The following ST6GAL2 variants were observed in gnomAD, a reference collection of about 807,000 sequenced individuals.
ST6GAL2 encodes the protein ST6 beta-galactoside alpha-2,6-sialyltransferase 2, also known as beta-galactoside alpha-2,6-sialyltransferase 2.
In ST6GAL2, 24 loss-of-function variants were observed where a neutral mutation model predicts 37.5. That is an observed-to-expected ratio of 0.64 (90% confidence interval 0.46 to 0.90). The LOEUF is 0.90. ST6GAL2 is among the 40% of genes least tolerant of loss of function. The probability of loss-of-function intolerance (pLI) is 0.00; values close to 1 mark genes in which losing one functional copy is unlikely to be tolerated. For missense variants in ST6GAL2, 715 were observed against 712.7 expected (o/e 1.00, Z -0.04); for synonymous variants, 306 against 295.1 (o/e 1.04, Z -0.38).
In ST6GAL2 at chr2:106,801,652, T is replaced by C. The variant is rs547499512; in HGVS notation, c.*5026A>G. On this transcript the variant is annotated 3_prime_UTR_variant, in exon 6 of 6. Transcript: ENST00000409382. ...TTACAAGAAAAAAGTCTGTACATTG[T>C]GTATACATAAAAATATACAAAACCA... 3.9e-5 allele frequency: 6 copies of C among 152,366 alleles called. No homozygotes were observed. In the South Asian group the frequency reaches 1.0e-3, roughly 26 times the overall value. The allele number at this position is 152,366 out of a possible 1,614,324, so 9.4% of individuals were successfully genotyped here. A position where few individuals can be genotyped will look rare whatever the true frequency, so the allele number is the denominator to read the frequency against.
chr2:106,843,889 A>T lies in ST6GAL2; in HGVS notation c.89T>A (p.Phe30Tyr), dbSNP rs62155507. ...GLLFLLIFIYFTDSNPAEPVP... is the reference protein window; with the variant it reads ...GLLFLLIFIYYTDSNPAEPVP... ...AGGCTCAGCGGGGTTGCTGTCGGTG[A>T]AGTAGATGAAAATCAGCAAAAAGAG... The change falls in exon 2 of 6, where the codon TTC (phenylalanine) becomes TAC (tyrosine). Residue 30 changes from phenylalanine to tyrosine, a missense_variant. Physicochemically the swap from Phe to Tyr is conservative, Grantham distance 22. Coordinates refer to ENST00000409382, the MANE Select transcript of ST6GAL2 (RefSeq NM_001142351.2). 22,697 of 1,606,134 alleles carry T rather than the reference A, an allele frequency of 0.014. 192 individuals carry two copies. The highest frequency in any genetic ancestry group is 0.026 in the Middle Eastern group (160 of 6,058).
intron 1 of ST6GAL2, among the ~76,000 whole-genome samples, chr2:106,856,683 C>G (rs1181268090): frequency 3.9e-5 from 6 of 152,180 alleles, no homozygotes; most frequent in Non-Finnish European, 8.8e-5. Flanking sequence ...GTATTAATTA[C>G]TTAAAAGCAC....
At position 106,820,697 on chromosome 2, in the gene ST6GAL2, T is replaced by C. The variant is rs1245765350; in HGVS notation, c.1318+9369A>G. 2.6e-5 allele frequency among the ~76,000 whole-genome samples: 4 copies of C among 152,096 alleles called. No homozygotes were observed. The East Asian group carries it at 7.7e-4, about 29-fold the overall frequency. ...AATACACATTCTTTTCCTCAGCACC[T>C]GGGTAATTCTCAAGGGTAGACCATA... On this transcript the variant is annotated intron_variant, in intron 5 of 5. Coordinates refer to ENST00000409382, the MANE Select transcript of ST6GAL2 (RefSeq NM_001142351.2).
Position 106,843,570 on chromosome 2 carries a change from A to T in ST6GAL2, c.408T>A (p.Gly136=). The T allele has an allele frequency of 6.2e-7, 1 of 1,614,002 alleles. No homozygotes were observed. The highest frequency in any genetic ancestry group is 8.5e-7 in the Non-Finnish European group (1 of 1,180,002). Residue 136 remains glycine, a synonymous_variant, in exon 2 of 6, where the codon GGT becomes GGA. Coordinates refer to ENST00000409382, the MANE Select transcript of ST6GAL2 (RefSeq NM_001142351.2). ...GAGTGTGGCTGTGCCACCCTGGCTG[A>T]CCAGCAGCAAAAAAGTAGTCGTCAT... is the stretch of plus-strand genomic sequence containing the variant. ...PEDDDYFFAA[G]QPGWHSHTQG...
chr2:106,883,724 GATC>G (rs1347368970), intron 1 of ST6GAL2, among the ~76,000 whole-genome samples: 2 of 151,440 alleles, frequency 1.3e-5, no homozygotes, highest in Non-Finnish European at 2.9e-5. Flanking sequence ...TAAATTTTAA[GATC>G]ATATTACAGA....
At chr2:106,823,480 C>G (rs1302792586) in intron 5 of ST6GAL2, among the ~76,000 whole-genome samples, 43 of 93,906 alleles carry the variant, frequency 4.6e-4, no homozygotes, top group African/African-American at 1.8e-3. Context: ...CACACACACA[C>G]ACACACAGAG....
chr2:106,817,480 C>T (rs950493371), intron 5 of ST6GAL2, among the ~76,000 whole-genome samples: 2 of 152,344 alleles, frequency 1.3e-5, no homozygotes, highest in Non-Finnish European at 2.9e-5. Context: ...CAGAAGGGAA[C>T]CTGCTTCATG....
intron 5 of ST6GAL2, among the ~76,000 whole-genome samples, chr2:106,820,751 A>C (rs999516908): frequency 2.0e-5 from 3 of 152,130 alleles, no homozygotes; most frequent in Non-Finnish European, 2.9e-5. Flanking sequence ...GTCTTAAAAA[A>C]TTTGAAAAAA....
chr2:106,870,199 G>C (rs1678207304), intron 1 of ST6GAL2, among the ~76,000 whole-genome samples: 1 of 152,102 alleles, frequency 6.6e-6, no homozygotes, highest in Non-Finnish European at 1.5e-5. Context: ...GAGAGTCCTG[G>C]AATTGTGCAG....
chr2:106,820,507 G>C (rs749198464), intron 5 of ST6GAL2, among the ~76,000 whole-genome samples: 6 of 152,042 alleles, frequency 3.9e-5, no homozygotes, highest in African/African-American at 7.2e-5. Flanking sequence ...GCTAAAGAGA[G>C]AGCTAGACCC....
Position 106,802,286 on chromosome 2 carries a change from T to G in ST6GAL2, c.*4392A>C, listed in dbSNP as rs190124444. ...TTGTAAAGGTTTCAGTCAAAAATATTGATGAAAAAGCAATATAAAACCAAC... is the reference window on the plus strand; with the variant it reads ...TTGTAAAGGTTTCAGTCAAAAATATGGATGAAAAAGCAATATAAAACCAAC... On this transcript the variant is annotated 3_prime_UTR_variant, in exon 6 of 6. Coordinates refer to ENST00000409382, the MANE Select transcript of ST6GAL2 (RefSeq NM_001142351.2). 1.3e-4 allele frequency: 20 copies of G among 152,306 alleles called. No homozygotes were observed. The highest frequency in any genetic ancestry group is 1.8e-4 in the Non-Finnish European group (12 of 68,034). The allele number at this position is 152,306 out of a possible 1,614,324, so 9.4% of individuals were successfully genotyped here.
At chr2:106,830,855 T>C (rs1676393329) in intron 4 of ST6GAL2, among the ~76,000 whole-genome samples, 1 of 152,192 alleles carries the variant, frequency 6.6e-6, no homozygotes, top group African/African-American at 2.4e-5. Context: ...ATGGAAATAT[T>C]CCAGTTTTTC....
chr2:106,862,278 A>G (rs1194638554), intron 1 of ST6GAL2, among the ~76,000 whole-genome samples: 1 of 152,210 alleles, frequency 6.6e-6, no homozygotes, highest in African/African-American at 2.4e-5. Flanking sequence ...GATTTAAATA[A>G]AGGCTTTTTT....
Position 106,843,675 on chromosome 2 carries a change from C to A in ST6GAL2, c.303G>T (p.Gln101His). The change falls in exon 2 of 6, where the codon CAG becomes CAT. Residue 101 changes from glutamine (Q) to histidine (H), a missense_variant. Gln to His is a conservative substitution (Grantham distance 24). Coordinates refer to ENST00000409382, the MANE Select transcript of ST6GAL2 (RefSeq NM_001142351.2). ...AGPGDLQKWA[Q>H]SQDGFEHKEF... ...CTTTATGTTCAAACCCATCTTGGGACTGGGCCCATTTCTGCAGGTCTCCAG... is the reference window on the plus strand; with the variant it reads ...CTTTATGTTCAAACCCATCTTGGGAATGGGCCCATTTCTGCAGGTCTCCAG... 1 of 1,613,364 alleles carries A rather than the reference C, an allele frequency of 6.2e-7. No homozygotes were observed. Among genetic ancestry groups the A allele is most frequent in the East Asian group, 2.2e-5 (1 of 44,862 alleles).
intron 5 of ST6GAL2, among the ~76,000 whole-genome samples, chr2:106,814,720 G>C (rs952484585): frequency 1.2e-4 from 18 of 152,182 alleles, no homozygotes; most frequent in Non-Finnish European, 2.1e-4. Flanking sequence ...CCATCCAGCT[G>C]TGCATGAAGA....
intron 4 of ST6GAL2, 109 bp downstream of exon 4, chr2:106,832,456 T>C: frequency 1.6e-6 from 1 of 626,578 alleles, no homozygotes. Context: ...TTGATATTGA[T>C]GGGTACTTTC....
At chr2:106,869,187 G>A (rs1678159125) in intron 1 of ST6GAL2, among the ~76,000 whole-genome samples, 1 of 152,132 alleles carries the variant, frequency 6.6e-6, no homozygotes, top group Non-Finnish European at 1.5e-5. Flanking sequence ...TCCAGGAGAG[G>A]AAGGCCTGGA....
intron 5 of ST6GAL2, among the ~76,000 whole-genome samples, chr2:106,816,330 AAGCT>A (rs1464206677): frequency 6.6e-6 from 1 of 152,234 alleles, no homozygotes; most frequent in Non-Finnish European, 1.5e-5. Flanking sequence ...ATTTGTTAAA[AAGCT>A]AGTCAGGTTT....
Position 106,843,138 on chromosome 2 carries a change from C to G in ST6GAL2, c.840G>C (p.Val280=). The stretch of plus-strand genomic sequence containing the variant: ...GCAGCTGGCTCAGGGGCACGGCGGG[C>G]ACCAGGCGCCGCCAGCCCAGCGCAG... ...PFSALGWRRL[V]PAVPLSQLHP... The change falls in exon 2 of 6, where the codon GTG becomes GTC. Residue 280 remains valine (V), a synonymous_variant. Transcript: ENST00000409382. The G allele has an allele frequency of 6.4e-7, 1 of 1,562,380 alleles. No individual in the cohort carries two copies. Among genetic ancestry groups the G allele is most frequent in the Non-Finnish European group, 8.6e-7 (1 of 1,157,040 alleles).
Sources: allele counts gnomAD v4.1 joint callset (sites outside exome capture counted in the v4.1 genomes callset), GRCh38; gene constraint gnomAD v4.1.1; transcripts MANE v1.5; gene names NCBI Gene and HGNC (gene_info 2026-07-23, HGNC 2026-07-21).